ZNF705G: variants seen among roughly 807,000 people sequenced by gnomAD.
The protein encoded by ZNF705G is zinc finger protein 705G.
Under a neutral mutation model 19.6 loss-of-function variants are expected in ZNF705G, and 23 were observed. The ratio of observed to expected loss-of-function variants is 1.17; its 90% CI spans 0.84 to 1.66. The LOEUF (loss-of-function observed/expected upper bound fraction) is 1.66. Ranked by LOEUF, ZNF705G falls within the 40% of genes most tolerant of loss-of-function variation. The pLI is 0.00. For synonymous variants in ZNF705G, 146 were observed against 117.7 expected (o/e 1.24, Z -1.56); for missense variants, 457 against 354.4 (o/e 1.29, Z -2.32).
intron 1 of ZNF705G, among the ~76,000 whole-genome samples, chr8:7,385,254 A>G (rs533348601): frequency 1.3e-5 from 2 of 149,390 alleles, no homozygotes; most frequent in Non-Finnish European, 2.9e-5. Flanking sequence ...TCTTAATACT[A>G]TTGCATTGGG....
intron 2 of ZNF705G, among the ~76,000 whole-genome samples, chr8:7,367,935 G>T (rs1204124669): frequency 8.0e-5 from 12 of 149,608 alleles, no homozygotes; most frequent in Admixed American, 7.9e-4. Context: ...AGTGCTTGGA[G>T]AACTCACCAA....
At chr8:7,371,082 G>A (rs1185670864) in intron 2 of ZNF705G, among the ~76,000 whole-genome samples, 1 of 141,678 alleles carries the variant, frequency 7.1e-6, no homozygotes, top group Non-Finnish European at 1.5e-5. Flanking sequence ...TGGAGGGAGA[G>A]TATCAGGATA....
At chr8:7,365,994 T>C in intron 2 of ZNF705G, among the ~76,000 whole-genome samples, 1 of 149,498 alleles carries the variant, frequency 6.7e-6, no homozygotes. Context: ...TCAACACCAG[T>C]GCTATACAAT....
chr8:7,357,937 G>A lies in ZNF705G; in HGVS notation c.*39C>T, dbSNP rs766170136. 10 of 1,605,530 alleles carry A rather than the reference G, an allele frequency of 6.2e-6. No individual in the cohort carries two copies. Among genetic ancestry groups the A allele is most frequent in the South Asian group, 2.2e-5 (2 of 89,994 alleles). On this transcript the variant is annotated 3_prime_UTR_variant, in exon 7 of 7. Coordinates refer to ENST00000400156, the MANE Select transcript of ZNF705G (RefSeq NM_001164457.3). ...GTCTGAAGGCTTTCCCACATAAATG[G>A]CATTCATATGGCTTTTCTCCAGTGC...
rs776313131 is a variant in ZNF705G at position 7,358,467 on chromosome 8, G to A, written c.412C>T (p.His138Tyr). The A allele has an allele frequency of 1.1e-5, 17 of 1,607,662 alleles. No homozygotes were observed. The highest frequency in any genetic ancestry group is 1.4e-5 in the Non-Finnish European group (17 of 1,179,606). ...SSTITQCLLT[H>Y]SGKKPYVSKQ... is the part of the protein sequence containing the mutation. ...CTGACATAGGGTTTCTTTCCACTAT[G>A]AGTTAACAAACACTGAGTTATTGTG... Residue 138 changes from histidine to tyrosine, a missense_variant, in exon 7 of 7, where the codon CAT (histidine) becomes TAT (tyrosine). Transcript: ENST00000400156.
intron 3 of ZNF705G, among the ~76,000 whole-genome samples, 185 bp downstream of exon 3, chr8:7,362,750 G>C (rs1377304427): frequency 3.3e-5 from 5 of 149,326 alleles, no homozygotes; most frequent in Admixed American, 2.6e-4. Context: ...AAAACTTAAT[G>C]GGGGGCCAGA....
chr8:7,364,029 G>A lies in ZNF705G; in HGVS notation c.-71-1012C>T, dbSNP rs527961061. Among the ~76,000 whole-genome samples the A allele has an allele frequency of 1.0e-3, 152 of 149,460 alleles. No individual in the cohort carries two copies. The Middle Eastern group carries it at 0.01, about 10-fold the overall frequency. On this transcript the variant is annotated intron_variant, in intron 2 of 6. Transcript: ENST00000400156. ...AAAATACAAAATGACTTAGGAGAGGGAGAAATTTAGCAGCTCAATCTGATA... is the reference window on the plus strand; with the variant it reads ...AAAATACAAAATGACTTAGGAGAGGAAGAAATTTAGCAGCTCAATCTGATA...
chr8:7,369,030 T>A lies in ZNF705G; in HGVS notation c.-71-6013A>T, dbSNP rs1806981617. 2.0e-5 allele frequency among the ~76,000 whole-genome samples: 3 copies of A among 149,632 alleles called. 1 individual carries two copies. The highest frequency in any genetic ancestry group is 2.0e-4 in the Admixed American group (3 of 15,216). On this transcript the variant is annotated intron_variant, in intron 2 of 6. Transcript: ENST00000400156. ...GGGGGGAGGCAGAAGGCAAAAGGCA[T>A]GTCTTACATCACAGCAGGCAAGTGA...
intron 1 of ZNF705G, among the ~76,000 whole-genome samples, chr8:7,383,909 G>C (rs1807617326): frequency 7.0e-6 from 1 of 141,860 alleles, no homozygotes; most frequent in Non-Finnish European, 1.5e-5. Context: ...AATGGACTAA[G>C]GCAGGAAGGA....
chr8:7,370,631 C>A (rs185897691), intron 2 of ZNF705G, among the ~76,000 whole-genome samples: 1 of 141,400 alleles, frequency 7.1e-6, no homozygotes, highest in Non-Finnish European at 1.5e-5. Context: ...TAAATTAGTT[C>A]AACTATTGCG....
chr8:7,370,043 A>AAT (rs1554526328), intron 2 of ZNF705G, among the ~76,000 whole-genome samples: 1 of 88,806 alleles, frequency 1.1e-5, no homozygotes, highest in Non-Finnish European at 2.3e-5. Context: ...ATAAAAGTTG[A>AAT]ATTTTTTTTT....
rs566841629 is a variant in ZNF705G at position 7,375,124 on chromosome 8, A to C, written c.-72+6328T>G. On this transcript the variant is annotated intron_variant, in intron 2 of 6. Transcript: ENST00000400156. ...GATATTGAGGTTTGGGGTATGAATA[A>C]CTCTGTCACGCAGGTAGGGTGTGCC... 3.6e-3 allele frequency among the ~76,000 whole-genome samples: 341 copies of C among 93,580 alleles called. 124 individuals are homozygous for C. The highest frequency in any genetic ancestry group is 0.016 in the African/African-American group (322 of 20,114). The allele number at this position is 93,580 out of a possible 152,430, so 61.4% of individuals were successfully genotyped here.
intron 1 of ZNF705G, among the ~76,000 whole-genome samples, chr8:7,385,287 T>C (rs1807676551): frequency 6.7e-6 from 1 of 149,002 alleles, no homozygotes; most frequent in Admixed American, 6.6e-5. Flanking sequence ...GCATGAATTT[T>C]GGGGGAGAGA....
rs1293053810 is a variant in ZNF705G, at chr8:7,356,936, TA to T, written c.*1039del. The T allele has an allele frequency of 6.7e-6, 1 of 149,932 alleles. No individual in the cohort carries two copies. Among genetic ancestry groups the T allele is most frequent in the Non-Finnish European group, 1.5e-5 (1 of 68,018 alleles). 9.3% of individuals were successfully genotyped at this position (149,932 alleles called of 1,614,324 possible). On this transcript the variant is annotated 3_prime_UTR_variant, in exon 7 of 7. Transcript: ENST00000400156. ...ATTATGCATTTACATGCCACATTTT[TA>T]TGAATAGATATTTTCTCAAATTTCT...
In ZNF705G at chr8:7,362,995, G is replaced by C. The variant is rs1453807095; in HGVS notation, c.-49C>G. 3.2e-6 allele frequency: 5 copies of C among 1,584,566 alleles called. No individual in the cohort carries two copies. The highest frequency in any genetic ancestry group is 2.2e-5 in the East Asian group (1 of 44,826). ...GTCTTCCTCTGGATTTCCACTTGCAGACACTTTAGGCACTAAGAAAAGCTG... is the reference window on the plus strand; with the variant it reads ...GTCTTCCTCTGGATTTCCACTTGCACACACTTTAGGCACTAAGAAAAGCTG... On this transcript the variant is annotated 5_prime_UTR_variant, in exon 3 of 7. Transcript: ENST00000400156.
chr8:7,383,424 A>G (rs1349305365), intron 1 of ZNF705G, among the ~76,000 whole-genome samples: 19 of 144,822 alleles, frequency 1.3e-4, no homozygotes, highest in African/African-American at 5.2e-4. Context: ...GCACTGTCTG[A>G]TTACCTTACT....
chr8:7,370,687 G>A (rs537515959), intron 2 of ZNF705G, among the ~76,000 whole-genome samples: 22 of 136,302 alleles, frequency 1.6e-4, no homozygotes, highest in East Asian at 6.2e-4. Context: ...CAGAAATACC[G>A]CTTGACCCAG....
At chr8:7,379,883 GC>G (rs1021934054) in intron 2 of ZNF705G, among the ~76,000 whole-genome samples, 13 of 145,642 alleles carry the variant, frequency 8.9e-5, no homozygotes, top group Non-Finnish European at 1.5e-4. Flanking sequence ...TGAGAGCCCA[GC>G]CCCCAAAAGA....
In ZNF705G at chr8:7,358,326, A is replaced by G; in HGVS notation, c.553T>C (p.Phe185Leu). ...NLCEKAYTNC[F>L]HLRRHKMTHT... Reference sequence around the variant, plus strand: ...GTCATCTTGTGCCGTCTAAGGTGAAAGCAATTAGTATAGGCCTTTTCACAT... The same window carrying G: ...GTCATCTTGTGCCGTCTAAGGTGAAGGCAATTAGTATAGGCCTTTTCACAT... Residue 185 changes from phenylalanine to leucine, a missense_variant, in exon 7 of 7, where the codon TTT becomes CTT. Coordinates refer to ENST00000400156, the MANE Select transcript of ZNF705G (RefSeq NM_001164457.3). The G allele has an allele frequency of 6.2e-7, 1 of 1,607,764 alleles. No homozygotes were observed. Among genetic ancestry groups the G allele is most frequent in the Non-Finnish European group, 8.5e-7 (1 of 1,179,642 alleles).
Sources: allele counts gnomAD v4.1 joint callset (sites outside exome capture counted in the v4.1 genomes callset), GRCh38; gene constraint gnomAD v4.1.1; transcripts MANE v1.5; gene names NCBI Gene and HGNC (gene_info 2026-07-23, HGNC 2026-07-21).